SEZ6L: variants seen among roughly 807,000 people sequenced by gnomAD.
SEZ6L encodes seizure 6-like protein.
In SEZ6L, 37 loss-of-function variants were observed where a neutral mutation model predicts 106.2. That is an observed-to-expected ratio of 0.35 (90% CI 0.27 to 0.46). The LOEUF is 0.46. SEZ6L is among the 20% of genes least tolerant of loss of function. The pLI, the probability that SEZ6L is intolerant of heterozygous loss-of-function variation, is 1.00. For missense variants in SEZ6L, 1,172 were observed against 1,332.8 expected (o/e 0.88, Z 1.88); for synonymous variants, 541 against 570.4 (o/e 0.95, Z 0.73).
chr22:26,328,707 C>T (rs529911069), intron 9 of SEZ6L, among the ~76,000 whole-genome samples: 5 of 152,064 alleles, frequency 3.3e-5, no homozygotes, highest in East Asian at 3.9e-4. Context: ...GACGGCAGGC[C>T]GAGAGCAGGA....
chr22:26,280,523 G>A (rs1415633646), intron 1 of SEZ6L, among the ~76,000 whole-genome samples: 1 of 152,098 alleles, frequency 6.6e-6, no homozygotes, highest in Non-Finnish European at 1.5e-5. Flanking sequence ...CTTGGTTTTT[G>A]TTTTCTTTTT....
In SEZ6L at chr22:26,310,829, A is replaced by G. The variant is rs1396175350; in HGVS notation, c.1674A>G (p.Arg558=). 3.1e-6 allele frequency: 5 copies of G among 1,613,576 alleles called. No individual in the cohort carries two copies. Among genetic ancestry groups the G allele is most frequent in the Non-Finnish European group, 4.2e-6 (5 of 1,179,874 alleles). Residue 558 remains arginine (R), a synonymous_variant, in exon 7 of 17, where the codon CGA becomes CGG. Transcript: ENST00000248933. ...QARAASTFNI[R]FEAFEKGHCY... is the part of the protein sequence containing the mutation. ...GGGCGGCCTCCACCTTCAACATCCGATTTGAAGGTGAGGGTCCCTGGGAGC... is the reference window on the plus strand; with the variant it reads ...GGGCGGCCTCCACCTTCAACATCCGGTTTGAAGGTGAGGGTCCCTGGGAGC...
intron 14 of SEZ6L, among the ~76,000 whole-genome samples, chr22:26,374,676 G>T (rs921247324): frequency 1.3e-5 from 2 of 152,164 alleles, no homozygotes; most frequent in African/African-American, 4.8e-5. Context: ...GGTGGTTAAT[G>T]GGTTATAGAT....
chr22:26,238,866 A>G (rs558706326), intron 1 of SEZ6L, among the ~76,000 whole-genome samples: 15 of 152,282 alleles, frequency 9.9e-5, no homozygotes, highest in Non-Finnish European at 1.5e-4. Flanking sequence ...TGCCTCTCGA[A>G]TAACTAGAAC....
chr22:26,336,632 C>T (rs1277565517), intron 9 of SEZ6L, among the ~76,000 whole-genome samples: 1 of 152,132 alleles, frequency 6.6e-6, no homozygotes, highest in Non-Finnish European at 1.5e-5. Context: ...ATTTAATGGT[C>T]TGTTGCACAC....
At chr22:26,299,218 G>A in intron 5 of SEZ6L, 49 bp downstream of exon 5, 1 of 1,311,852 alleles carries the variant, frequency 7.6e-7, no homozygotes, top group Non-Finnish European at 9.8e-7. Flanking sequence ...AACTAAGAGG[G>A]GAAAGACCAA....
At chr22:26,229,099 C>T (rs554400636) in intron 1 of SEZ6L, among the ~76,000 whole-genome samples, 60 of 152,146 alleles carry the variant, frequency 3.9e-4, no homozygotes, top group Non-Finnish European at 7.2e-4. Flanking sequence ...CAGGTTCAAG[C>T]GATTCTCCTG....
Position 26,293,064 on chromosome 22 carries a change from TGGGTCAGCCTCAGAGGAGAGCCAG to T in SEZ6L, c.755_778del (p.Gly252_Gln259del). ...TGGACAAAGGTGAGAATGAGCTGACTGGGTCAGCCTCAGAGGAGAGCCAGGAGACCACTACCTCCACCATTATCA... is the reference window on the plus strand; with the variant it reads ...TGGACAAAGGTGAGAATGAGCTGACTGAGACCACTACCTCCACCATTATCA... On this transcript the variant is annotated inframe_deletion, in exon 2 of 17. Coordinates refer to ENST00000248933, the MANE Select transcript of SEZ6L (RefSeq NM_021115.5). 1 of 1,613,506 alleles carries T rather than the reference TGGGTCAGCCTCAGAGGAGAGCCAG, an allele frequency of 6.2e-7. No individual in the cohort carries two copies. The highest frequency in any genetic ancestry group is 8.5e-7 in the Non-Finnish European group (1 of 1,179,952).
intron 1 of SEZ6L, among the ~76,000 whole-genome samples, chr22:26,229,660 G>T (rs1009400283): frequency 6.6e-6 from 1 of 152,194 alleles, no homozygotes; most frequent in South Asian, 2.1e-4. Context: ...CTTAGGGAAC[G>T]TTTACAAAAC....
intron 12 of SEZ6L, among the ~76,000 whole-genome samples, chr22:26,358,096 C>T (rs1386023648): frequency 6.6e-6 from 1 of 152,176 alleles, no homozygotes; most frequent in African/African-American, 2.4e-5. Flanking sequence ...ACTGTTGAGC[C>T]GTCTCCTGTG....
At chr22:26,329,477 A>G (rs1208905384) in intron 9 of SEZ6L, among the ~76,000 whole-genome samples, 2 of 152,056 alleles carry the variant, frequency 1.3e-5, no homozygotes, top group African/African-American at 4.8e-5. Flanking sequence ...TTAAAAAAAA[A>G]GAAAAAGAAA....
At chr22:26,256,638 C>T (rs983742823) in intron 1 of SEZ6L, among the ~76,000 whole-genome samples, 6 of 152,230 alleles carry the variant, frequency 3.9e-5, no homozygotes, top group African/African-American at 7.2e-5. Flanking sequence ...TGGACTTCCA[C>T]GGCTGGGAAC....
chr22:26,357,907 G>A (rs935662615), intron 12 of SEZ6L, among the ~76,000 whole-genome samples: 12 of 152,170 alleles, frequency 7.9e-5, no homozygotes, highest in African/African-American at 2.9e-4. Flanking sequence ...TCCGGCAAGG[G>A]TTTTATGAGT....
At chr22:26,284,568 C>CCGCTGCA (rs2080869162) in intron 1 of SEZ6L, among the ~76,000 whole-genome samples, 1 of 141,014 alleles carries the variant, frequency 7.1e-6, no homozygotes, top group South Asian at 2.2e-4. Context: ...TGAGATTGCA[C>CCGCTGCA]CGCTGCACTC....
intron 1 of SEZ6L, among the ~76,000 whole-genome samples, chr22:26,193,704 G>A (rs189335432): frequency 1.8e-3 from 272 of 152,124 alleles, no homozygotes; most frequent in Middle Eastern, 0.01. Context: ...GTTTCTATAT[G>A]CTTCTTGAGT....
intron 5 of SEZ6L, 25 bp from the exon 6 acceptor site, chr22:26,305,954 G>A (rs769985386): frequency 3.0e-6 from 3 of 993,508 alleles, no homozygotes; most frequent in East Asian, 3.1e-5. Flanking sequence ...CTCTCCCATT[G>A]CCCACCCACC....
At chr22:26,296,277 G>A (rs2081297899) in intron 3 of SEZ6L, among the ~76,000 whole-genome samples, 1 of 152,206 alleles carries the variant, frequency 6.6e-6, no homozygotes, top group Non-Finnish European at 1.5e-5. Flanking sequence ...AGCCACCACT[G>A]GGGAGAATAA....
intron 1 of SEZ6L, among the ~76,000 whole-genome samples, chr22:26,234,258 A>G (rs956630809): frequency 6.6e-6 from 1 of 152,098 alleles, no homozygotes; most frequent in African/African-American, 2.4e-5. Context: ...ATTGGCCCGA[A>G]TTGGAACCCA....
intron 11 of SEZ6L, among the ~76,000 whole-genome samples, chr22:26,348,706 GC>G (rs1400211162): frequency 1.8e-4 from 15 of 82,388 alleles, no homozygotes; most frequent in Non-Finnish European, 2.4e-4. Flanking sequence ...AAGAAAGAAG[GC>G]AAGGGAGGGA....
Sources: gnomAD v4.1 joint callset for allele counts (sites outside exome capture counted in the v4.1 genomes callset) on GRCh38, gnomAD v4.1.1 for gene constraint, MANE v1.5 for transcripts, NCBI Gene and HGNC (gene_info 2026-07-23, HGNC 2026-07-21) for gene names.